The following MGMT variants were observed in gnomAD, a reference collection of about 807,000 sequenced individuals.
MGMT encodes O-6-methylguanine-DNA methyltransferase.
Under a neutral mutation model 15.9 loss-of-function variants are expected in MGMT, and 14 were observed. The ratio of observed to expected loss-of-function variants is 0.88; its 90% CI spans 0.58 to 1.37. The LOEUF (loss-of-function observed/expected upper bound fraction) is 1.37, where lower values mean the gene tolerates loss of function less well. Among genes scored for constraint, MGMT ranks in the 40% most tolerant of loss-of-function variants. The probability of loss-of-function intolerance (pLI) is 0.00; values close to 1 mark genes in which losing one functional copy is unlikely to be tolerated. For synonymous variants in MGMT, 130 were observed against 118.2 expected, an observed-to-expected ratio of 1.10 and a Z score of -0.65; for missense variants, 282 against 268.1, an observed-to-expected ratio of 1.05 and a Z score of -0.36.
At chr10:129,522,311 G>T (rs1160860432) in intron 1 of MGMT, among the ~76,000 whole-genome samples, 1 of 152,194 alleles carries the variant, frequency 6.6e-6, no homozygotes, top group Non-Finnish European at 1.5e-5. Flanking sequence ...ACTGCCTTGG[G>T]CCCCTGGACA....
At chr10:129,598,038 G>T (rs1427685334) in intron 2 of MGMT, among the ~76,000 whole-genome samples, 1 of 152,116 alleles carries the variant, frequency 6.6e-6, no homozygotes, top group Non-Finnish European at 1.5e-5. Flanking sequence ...CTGCAGTCAG[G>T]TCCACCATGT....
intron 3 of MGMT, among the ~76,000 whole-genome samples, chr10:129,741,678 C>T (rs1289882630): frequency 2.0e-5 from 3 of 152,180 alleles, no homozygotes; most frequent in African/African-American, 7.2e-5. Context: ...GTGGGGTCAC[C>T]ATCACACTCA....
intron 2 of MGMT, among the ~76,000 whole-genome samples, chr10:129,653,153 A>G (rs1339864089): frequency 6.6e-6 from 1 of 152,142 alleles, no homozygotes; most frequent in African/African-American, 2.4e-5. Context: ...ATTTCTAGAC[A>G]CCCTTTATTT....
intron 2 of MGMT, among the ~76,000 whole-genome samples, chr10:129,583,712 C>T (rs1194761375): frequency 1.3e-5 from 2 of 152,322 alleles, no homozygotes; most frequent in Non-Finnish European, 2.9e-5. Context: ...TCACAGGTGC[C>T]GCCCACACCT....
chr10:129,624,289 T>G (rs1476227501), intron 2 of MGMT, among the ~76,000 whole-genome samples: 1 of 152,166 alleles, frequency 6.6e-6, no homozygotes, highest in Non-Finnish European at 1.5e-5. Context: ...CCGGGGACAG[T>G]TTCCATCTCA....
chr10:129,764,191 G>A (rs769473836), intron 4 of MGMT, among the ~76,000 whole-genome samples: 7 of 152,224 alleles, frequency 4.6e-5, no homozygotes, highest in African/African-American at 7.2e-5. Context: ...ACTTGGGCAC[G>A]AGACTCCATT....
intron 3 of MGMT, among the ~76,000 whole-genome samples, chr10:129,746,963 A>G (rs1001627092): frequency 6.6e-6 from 1 of 152,216 alleles, no homozygotes; most frequent in African/African-American, 2.4e-5. Flanking sequence ...TTCCATGAAC[A>G]TGATATGTCT....
chr10:129,548,229 T>C (rs886382898), intron 2 of MGMT, among the ~76,000 whole-genome samples: 1 of 152,246 alleles, frequency 6.6e-6, no homozygotes, highest in Non-Finnish European at 1.5e-5. Flanking sequence ...AGTAGGTGTT[T>C]GTATATGTAC....
chr10:129,725,513 T>C (rs995291981), intron 3 of MGMT, among the ~76,000 whole-genome samples: 1 of 152,274 alleles, frequency 6.6e-6, no homozygotes, highest in African/African-American at 2.4e-5. Context: ...ATAGCGTTCC[T>C]GGACCTGAAA....
intron 1 of MGMT, among the ~76,000 whole-genome samples, chr10:129,473,129 A>G (rs1003611054): frequency 6.6e-6 from 1 of 152,234 alleles, no homozygotes; most frequent in African/African-American, 2.4e-5. Flanking sequence ...GGACGGACAC[A>G]GGATCTGACA....
chr10:129,541,101 T>C (rs1451782015), intron 2 of MGMT, among the ~76,000 whole-genome samples: 1 of 152,388 alleles, frequency 6.6e-6, no homozygotes. Context: ...TTCAGTGACA[T>C]TGCATCTGTG....
chr10:129,531,139 G>A (rs981419153), intron 1 of MGMT, among the ~76,000 whole-genome samples: 13 of 152,170 alleles, frequency 8.5e-5, no homozygotes, highest in Non-Finnish European at 1.5e-5. Flanking sequence ...CTCCCCCGTT[G>A]AATGGCCCTC....
At chr10:129,753,667 G>A (rs1387306523) in intron 3 of MGMT, among the ~76,000 whole-genome samples, 1 of 151,988 alleles carries the variant, frequency 6.6e-6, no homozygotes, top group Non-Finnish European at 1.5e-5. Flanking sequence ...TATTATTCTT[G>A]ATAGCTTCTA....
chr10:129,472,779 A>T (rs1845247273), intron 1 of MGMT, among the ~76,000 whole-genome samples: 1 of 152,034 alleles, frequency 6.6e-6, no homozygotes, highest in Non-Finnish European at 1.5e-5. Context: ...TGGAGGCAGG[A>T]CTGGAGGTCG....
chr10:129,626,274 G>A (rs1456497381), intron 2 of MGMT, among the ~76,000 whole-genome samples: 4 of 152,084 alleles, frequency 2.6e-5, no homozygotes, highest in South Asian at 2.1e-4. Context: ...CCACCCACCC[G>A]CATGCCTCTC....
intron 2 of MGMT, among the ~76,000 whole-genome samples, chr10:129,603,296 C>G (rs554247751): frequency 9.9e-5 from 15 of 152,144 alleles, no homozygotes; most frequent in Non-Finnish European, 1.6e-4. Flanking sequence ...TCTCTGATAG[C>G]ATGAAAATGT....
At chr10:129,705,151 C>T (rs1357857105) in intron 2 of MGMT, among the ~76,000 whole-genome samples, 1 of 152,226 alleles carries the variant, frequency 6.6e-6, no homozygotes, top group Non-Finnish European at 1.5e-5. Flanking sequence ...GGCCCATGGC[C>T]GTGTGTGCCC....
chr10:129,677,708 G>T (rs992901614), intron 2 of MGMT, among the ~76,000 whole-genome samples: 4 of 152,234 alleles, frequency 2.6e-5, no homozygotes, highest in African/African-American at 9.6e-5. Flanking sequence ...TCTGTCTGCT[G>T]GGAGGAGGTA....
chr10:129,700,723 A>C (rs1589944899), intron 2 of MGMT: 1 of 152,384 alleles, frequency 6.6e-6, no homozygotes, highest in African/African-American at 2.4e-5. Flanking sequence ...ATCTTTATTA[A>C]GAGCAGGTAG....
Sources: gnomAD v4.1 joint callset for allele counts (sites outside exome capture counted in the v4.1 genomes callset) on GRCh38, gnomAD v4.1.1 for gene constraint, MANE v1.5 for transcripts, NCBI Gene and HGNC (gene_info 2026-07-23, HGNC 2026-07-21) for gene names.